DDI2: variants seen among roughly 807,000 people sequenced by gnomAD.
DDI2 encodes DDI proteasomal shuttling factor 2, also known as protein DDI1 homolog 2.
In DDI2, 5 loss-of-function variants were observed where a neutral mutation model predicts 48.1. That is an observed-to-expected ratio of 0.10 (90% confidence interval 0.05 to 0.22). The LOEUF is 0.22. Among genes scored for constraint, DDI2 ranks in the 10% least tolerant of loss-of-function variants. DDI2 has a pLI of 1.00. For synonymous variants in DDI2, 205 were observed against 183.6 expected, an observed-to-expected ratio of 1.12 and a Z score of -0.94; for missense variants, 285 against 506.2, an observed-to-expected ratio of 0.56 and a Z score of 4.19.
intron 1 of DDI2, among the ~76,000 whole-genome samples, chr1:15,621,629 G>T (rs1207955150): frequency 1.3e-5 from 2 of 152,266 alleles, no homozygotes; most frequent in East Asian, 3.9e-4. Context: ...CGGATGATCT[G>T]CCTGCCTTGG....
chr1:15,656,874 T>C (rs1202575111), intron 9 of DDI2, 195 bp downstream of exon 9: 1 of 683,148 alleles, frequency 1.5e-6, no homozygotes, highest in East Asian at 3.2e-5. Flanking sequence ...TGTTTAAAAA[T>C]GGATTCGTTA....
rs965507485 is a variant in DDI2, at chr1:15,661,789, C to G, written c.*1999C>G. 1 of 1,506,082 alleles carries G rather than the reference C, an allele frequency of 6.6e-7. No homozygotes were observed. The highest frequency in any genetic ancestry group is 2.3e-5 in the East Asian group (1 of 43,266). 93.3% of individuals were successfully genotyped at this position (1,506,082 alleles called of 1,614,324 possible). ...CAAAAGAAAGCTCTCTCTATATACACGCACACATACACACTCACCACATAT... is the reference window on the plus strand; with the variant it reads ...CAAAAGAAAGCTCTCTCTATATACAGGCACACATACACACTCACCACATAT... On this transcript the variant is annotated 3_prime_UTR_variant, in exon 10 of 10. Coordinates refer to ENST00000480945, the MANE Select transcript of DDI2 (RefSeq NM_032341.5).
intron 1 of DDI2, among the ~76,000 whole-genome samples, chr1:15,623,772 A>G (rs1639709078): frequency 6.6e-6 from 1 of 152,032 alleles, no homozygotes; most frequent in Non-Finnish European, 1.5e-5. Context: ...TCTTATAAAT[A>G]GTTAGTGGCC....
intron 9 of DDI2, 189 bp downstream of exon 9, chr1:15,656,868 TA>T: frequency 1.4e-6 from 1 of 706,526 alleles, no homozygotes; most frequent in Non-Finnish European, 2.2e-6. Flanking sequence ...AACTCCTGTT[TA>T]AAAATGGATT....
intron 7 of DDI2, 71 bp downstream of exon 7, chr1:15,649,894 T>C (rs1640151517): frequency 6.9e-7 from 1 of 1,451,518 alleles, no homozygotes; most frequent in Non-Finnish European, 9.4e-7. Flanking sequence ...ATTATTTTTA[T>C]TGGTTACATA....
At chr1:15,651,015 C>T (rs975330304) in intron 7 of DDI2, among the ~76,000 whole-genome samples, 4 of 151,662 alleles carry the variant, frequency 2.6e-5, no homozygotes, top group African/African-American at 7.3e-5. Flanking sequence ...TCACCACGCC[C>T]GGCTAATTTT....
At chr1:15,630,937 G>A (rs928276047) in intron 3 of DDI2, among the ~76,000 whole-genome samples, 13 of 152,128 alleles carry the variant, frequency 8.5e-5, no homozygotes, top group African/African-American at 2.9e-4. Context: ...TCCGCCTCCC[G>A]GGTTCATGCC....
Position 15,665,204 on chromosome 1 carries a change from G to T in DDI2, c.*5414G>T, listed in dbSNP as rs1332878950. 1 of 150,130 alleles carries T rather than the reference G, an allele frequency of 6.7e-6. No individual in the cohort carries two copies. Among genetic ancestry groups the T allele is most frequent in the Non-Finnish European group, 1.5e-5 (1 of 68,184 alleles). The allele number at this position is 150,130 out of a possible 1,614,324, so 9.3% of individuals were successfully genotyped here. On this transcript the variant is annotated 3_prime_UTR_variant, in exon 10 of 10. Transcript: ENST00000480945. ...TTAAACCTGGGAGGCGGAGGTTGTG[G>T]TGAGCAGAGATCACGCCATTGCACT...
At chr1:15,631,512 A>G (rs1639843046) in intron 3 of DDI2, among the ~76,000 whole-genome samples, 1 of 152,232 alleles carries the variant, frequency 6.6e-6, no homozygotes, top group South Asian at 2.1e-4. Flanking sequence ...CTAAAAACAT[A>G]ACAGACACTT....
At chr1:15,656,791 T>C in intron 9 of DDI2, 112 bp downstream of exon 9, 3 of 1,483,892 alleles carry the variant, frequency 2.0e-6, no homozygotes, top group Non-Finnish European at 2.8e-6. Flanking sequence ...TTTCACCTTG[T>C]TCAATCTGGT....
At chr1:15,619,600 T>C (rs1334345908) in intron 1 of DDI2, among the ~76,000 whole-genome samples, 1 of 151,912 alleles carries the variant, frequency 6.6e-6, no homozygotes, top group Non-Finnish European at 1.5e-5. Context: ...TAGCTGGGAC[T>C]ACAGGCGCCC....
Position 15,633,471 on chromosome 1 carries a change from C to A in DDI2, c.538C>A (p.Gln180Lys). 6.2e-7 allele frequency: 1 copy of A among 1,613,660 alleles called. No individual in the cohort carries two copies. Among genetic ancestry groups the A allele is most frequent in the Admixed American group, 1.7e-5 (1 of 59,990 alleles). Residue 180 changes from glutamine to lysine, a missense_variant, in exon 4 of 10, where the codon CAG (glutamine) becomes AAG (lysine). Transcript: ENST00000480945. ...TTCTAGAGTCCTGGTGGAGCAGCAG[C>A]AGGACCGAGCCCGGAGAGAGCAAGA... ...KFSRVLVEQQ[Q>K]DRARREQERI... is the part of the protein sequence containing the mutation.
chr1:15,657,252 T>C (rs1640286356), intron 9 of DDI2, among the ~76,000 whole-genome samples: 1 of 152,210 alleles, frequency 6.6e-6, no homozygotes, highest in South Asian at 2.1e-4. Context: ...TTCCATTTCC[T>C]CTGATGTAAA....
At chr1:15,644,157 A>G (rs1640050407) in intron 6 of DDI2, among the ~76,000 whole-genome samples, 1 of 152,216 alleles carries the variant, frequency 6.6e-6, no homozygotes, top group Non-Finnish European at 1.5e-5. Context: ...AAGCACATCC[A>G]ATAGCCTCTA....
rs934795479 is a variant in DDI2 at position 15,652,460 on chromosome 1, G to T, written c.1183+565G>T. The stretch of plus-strand genomic sequence containing the variant: ...TTGGGAGGCTCCGGAGGGGGGGGGG[G>T]GGGGGCGGATCACCTGAGGTCAGGA... On this transcript the variant is annotated intron_variant, in intron 8 of 9. Coordinates refer to ENST00000480945, the MANE Select transcript of DDI2 (RefSeq NM_032341.5). Among the ~76,000 whole-genome samples, 34 of 103,066 alleles carry T rather than the reference G, an allele frequency of 3.3e-4. 9 individuals are homozygous for T. In the East Asian group the frequency reaches 0.014, roughly 43 times the overall value. 67.6% of individuals were successfully genotyped at this position (103,066 alleles called of 152,430 possible).
intron 1 of DDI2, among the ~76,000 whole-genome samples, chr1:15,619,625 C>G (rs1281066571): frequency 6.6e-6 from 1 of 150,864 alleles, no homozygotes; most frequent in African/African-American, 2.4e-5. Flanking sequence ...CCGCGCCCGA[C>G]TCATTTTTTG....
Position 15,661,112 on chromosome 1 carries a change from C to G in DDI2, c.*1322C>G. 6.2e-7 allele frequency: 1 copy of G among 1,613,792 alleles called. No homozygotes were observed. The highest frequency in any genetic ancestry group is 1.1e-5 in the South Asian group (1 of 91,006). On this transcript the variant is annotated 3_prime_UTR_variant, in exon 10 of 10. Transcript: ENST00000480945. ...CAGAATGAACAGTGTCCACAAGTCT[C>G]CTTTCATCAGGCCATATCTGTATCA...
At chr1:15,641,811 C>T (rs910108373) in intron 5 of DDI2, among the ~76,000 whole-genome samples, 15 of 151,718 alleles carry the variant, frequency 9.9e-5, no homozygotes, top group African/African-American at 2.9e-4. Context: ...AAAAAATAGC[C>T]GGGCATGGTG....
chr1:15,623,505 A>C (rs1363068805), intron 1 of DDI2, among the ~76,000 whole-genome samples: 2 of 149,480 alleles, frequency 1.3e-5, no homozygotes, highest in Non-Finnish European at 3.0e-5. Flanking sequence ...GTGATCCTCC[A>C]GCTTCAGTCT....
Sources: allele counts gnomAD v4.1 joint callset (sites outside exome capture counted in the v4.1 genomes callset), GRCh38; gene constraint gnomAD v4.1.1; transcripts MANE v1.5; gene names NCBI Gene and HGNC (gene_info 2026-07-23, HGNC 2026-07-21).